Variants in GRM5 observed in about 807,000 individuals in gnomAD.
GRM5 encodes metabotropic glutamate receptor 5.
Under a neutral mutation model 83.1 loss-of-function variants are expected in GRM5, and 19 were observed. The observed-to-expected ratio is 0.23, with a 90% CI of 0.16 to 0.34. GRM5 has a LOEUF of 0.34. GRM5 is among the 10% of genes least tolerant of loss of function. The pLI, the probability that GRM5 is intolerant of heterozygous loss-of-function variation, is 1.00. For missense variants in GRM5, 1,160 were observed against 1,588.3 expected (o/e 0.73, Z 4.58); for synonymous variants, 675 against 633.6 (o/e 1.07, Z -0.98).
rs569526711 is a variant in GRM5, at chr11:88,834,549, T to C, written c.911+15357A>G. The stretch of plus-strand genomic sequence containing the variant: ...CAGAGTACTGAAGAAACTACATCTA[T>C]TTTCCCTGCCTTTGAAAGGAAATAA... On this transcript the variant is annotated intron_variant, in intron 3 of 9. Coordinates refer to ENST00000305447, the MANE Select transcript of GRM5 (RefSeq NM_001143831.3). Among the ~76,000 whole-genome samples the C allele has an allele frequency of 4.6e-5, 7 of 152,272 alleles. No homozygotes were observed. In the East Asian group the frequency reaches 1.2e-3, roughly 25 times the overall value.
intron 4 of GRM5, among the ~76,000 whole-genome samples, chr11:88,640,740 T>C (rs1939266431): frequency 6.6e-6 from 1 of 152,182 alleles, no homozygotes; most frequent in African/African-American, 2.4e-5. Context: ...TTATAAAAGA[T>C]ATTACAAAGA....
At chr11:88,907,748 C>G (rs1228491832) in intron 2 of GRM5, among the ~76,000 whole-genome samples, 2 of 152,142 alleles carry the variant, frequency 1.3e-5, no homozygotes, top group African/African-American at 2.4e-5. Flanking sequence ...TTTAACTTCT[C>G]TATGCCTCAG....
intron 2 of GRM5, among the ~76,000 whole-genome samples, chr11:89,007,974 A>C (rs1380319280): frequency 1.3e-5 from 2 of 152,230 alleles, no homozygotes; most frequent in East Asian, 3.8e-4. Context: ...TCAAATAAAG[A>C]AACACAGTCC....
At chr11:88,864,653 C>T (rs1240647285) in intron 2 of GRM5, among the ~76,000 whole-genome samples, 2 of 151,966 alleles carry the variant, frequency 1.3e-5, no homozygotes, top group Non-Finnish European at 2.9e-5. Flanking sequence ...TATGTGAATG[C>T]CCTTTCTTTC....
intron 3 of GRM5, among the ~76,000 whole-genome samples, chr11:88,784,855 A>G (rs114866672): frequency 2.6e-4 from 40 of 152,172 alleles, no homozygotes; most frequent in African/African-American, 9.4e-4. Context: ...CACATGTTGC[A>G]AATGTTTAAC....
At chr11:88,717,818 C>A (rs1354095210) in intron 3 of GRM5, among the ~76,000 whole-genome samples, 2 of 151,618 alleles carry the variant, frequency 1.3e-5, no homozygotes, top group Non-Finnish European at 3.0e-5. Context: ...TATGTGTACT[C>A]TTGTGTTCTG....
rs551010213 is a variant in GRM5, at chr11:88,651,004, C to T, written c.1147+2164G>A. On this transcript the variant is annotated intron_variant, in intron 4 of 9. Coordinates refer to ENST00000305447, the MANE Select transcript of GRM5 (RefSeq NM_001143831.3). ...GTACCAAATGACATCTGTTGTCAGACGAGATTCCAAGGGGGGGGATGGACT... is the reference window on the plus strand; with the variant it reads ...GTACCAAATGACATCTGTTGTCAGATGAGATTCCAAGGGGGGGGATGGACT... 1.6e-4 allele frequency among the ~76,000 whole-genome samples: 24 copies of T among 151,898 alleles called. No homozygotes were observed. The South Asian group carries it at 2.7e-3, about 17-fold the overall frequency.
intron 8 of GRM5, among the ~76,000 whole-genome samples, chr11:88,557,543 ATGGC>A (rs1942656889): frequency 6.6e-6 from 1 of 152,120 alleles, no homozygotes; most frequent in Admixed American, 6.6e-5. Context: ...TGGTTGGCTG[ATGGC>A]TCCTTGAGGC....
At chr11:88,655,853 A>G (rs1939755636) in intron 3 of GRM5, among the ~76,000 whole-genome samples, 1 of 152,120 alleles carries the variant, frequency 6.6e-6, no homozygotes, top group Non-Finnish European at 1.5e-5. Context: ...GAAAATCCCA[A>G]TATCTATGTG....
At chr11:88,667,502 G>A (rs72643307) in intron 3 of GRM5, among the ~76,000 whole-genome samples, 3,175 of 152,136 alleles carry the variant, frequency 0.021, 89 homozygotes, top group East Asian at 0.12. Flanking sequence ...AAAGTAAAAT[G>A]CAGGAAGTGA....
At chr11:89,002,013 C>T (rs879634803) in intron 2 of GRM5, among the ~76,000 whole-genome samples, 3 of 152,080 alleles carry the variant, frequency 2.0e-5, no homozygotes, top group Non-Finnish European at 4.4e-5. Flanking sequence ...GAGCTATTTT[C>T]TCCCCCTAGA....
intron 8 of GRM5, among the ~76,000 whole-genome samples, chr11:88,561,408 T>G (rs1485757385): frequency 6.6e-6 from 1 of 152,172 alleles, no homozygotes; most frequent in Non-Finnish European, 1.5e-5. Flanking sequence ...GGGTTTTGAC[T>G]TCTGAGAAAA....
At chr11:88,633,764 TCTTGA>T (rs1353538609) in intron 4 of GRM5, among the ~76,000 whole-genome samples, 2 of 152,196 alleles carry the variant, frequency 1.3e-5, no homozygotes, top group Non-Finnish European at 2.9e-5. Context: ...ATAATGATTC[TCTTGA>T]CTTGGCCTTC....
At chr11:88,796,325 A>G (rs1260784221) in intron 3 of GRM5, among the ~76,000 whole-genome samples, 2 of 152,220 alleles carry the variant, frequency 1.3e-5, no homozygotes, top group African/African-American at 4.8e-5. Flanking sequence ...AGAAAATACT[A>G]TCTTATTTAA....
At chr11:88,855,592 C>T (rs1944460749) in intron 2 of GRM5, among the ~76,000 whole-genome samples, 1 of 151,766 alleles carries the variant, frequency 6.6e-6, no homozygotes, top group African/African-American at 2.4e-5. Context: ...ATGCTGAAAA[C>T]TTGGTTAAAA....
At chr11:88,927,477 T>C (rs1190782902) in intron 2 of GRM5, among the ~76,000 whole-genome samples, 2 of 152,188 alleles carry the variant, frequency 1.3e-5, no homozygotes, top group African/African-American at 2.4e-5. Context: ...GAAGAGTACA[T>C]GTTAAAGGCC....
intron 3 of GRM5, among the ~76,000 whole-genome samples, chr11:88,754,757 CT>C (rs1303074643): frequency 6.6e-6 from 1 of 152,016 alleles, no homozygotes; most frequent in Non-Finnish European, 1.5e-5. Flanking sequence ...ATTTTTCCAC[CT>C]TTTTATCCCC....
chr11:88,938,552 A>ATTT lies in GRM5; in HGVS notation c.662-88400_662-88398dup, dbSNP rs10622517. On this transcript the variant is annotated intron_variant, in intron 2 of 9. Transcript: ENST00000305447. ...CAATATTTTTATGAGGTATTACTTC[A>ATTT]TTTTTTTTTTTTAAAGAAGAAGGTA... Among the ~76,000 whole-genome samples the ATTT allele has an allele frequency of 7.7e-3, 1,131 of 147,800 alleles. 14 individuals carry two copies. The highest frequency in any genetic ancestry group is 0.022 in the African/African-American group (881 of 40,662).
rs563795550 is a variant in GRM5 at position 88,728,893 on chromosome 11, A to C, written c.912-75490T>G. ...CGTATCTCAAAATAATAAGTTATTT[A>C]TGACAAACTCACAGCCAATATCACA... On this transcript the variant is annotated intron_variant, in intron 3 of 9. Transcript: ENST00000305447. Among the ~76,000 whole-genome samples the C allele has an allele frequency of 8.5e-5, 13 of 152,182 alleles. No individual in the cohort carries two copies. The South Asian group carries it at 2.7e-3, about 32-fold the overall frequency.
Sources: gnomAD v4.1 joint callset for allele counts (sites outside exome capture counted in the v4.1 genomes callset) on GRCh38, gnomAD v4.1.1 for gene constraint, MANE v1.5 for transcripts, NCBI Gene and HGNC (gene_info 2026-07-23, HGNC 2026-07-21) for gene names.